The following GPHN variants were observed in gnomAD, a reference collection of about 807,000 sequenced individuals.
GPHN encodes the protein gephyrin.
In GPHN, 17 loss-of-function variants were observed where a neutral mutation model predicts 95.5. That is an observed-to-expected ratio of 0.18 (90% CI 0.12 to 0.27). GPHN has a LOEUF of 0.27. Among genes scored for constraint, GPHN ranks in the 10% least tolerant of loss-of-function variants. The pLI is 1.00. For synonymous variants in GPHN, 320 were observed against 322.5 expected (o/e 0.99, Z 0.08); for missense variants, 660 against 978.1 (o/e 0.67, Z 4.34).
chr14:67,114,329 T>C (rs541548838), intron 16 of GPHN, among the ~76,000 whole-genome samples: 1 of 152,312 alleles, frequency 6.6e-6, no homozygotes, highest in South Asian at 2.1e-4. Flanking sequence ...TGAACTATTC[T>C]TTTTTATGAT....
At chr14:67,629,016 C>T in the GPHN span, among the ~76,000 whole-genome samples, 1 of 152,282 alleles carries the variant, frequency 6.6e-6, no homozygotes, top group African/African-American at 2.4e-5. Context: ...GTGGTACATA[C>T]ATATAATGGA....
At chr14:66,670,837 T>A (rs2066264303) in intron 1 of GPHN, among the ~76,000 whole-genome samples, 1 of 152,152 alleles carries the variant, frequency 6.6e-6, no homozygotes, top group African/African-American at 2.4e-5. Context: ...TTAAATATTT[T>A]AGATTTTGTG....
chr14:67,225,964 C>CGT, the GPHN span, among the ~76,000 whole-genome samples: 2 of 42,490 alleles, frequency 4.7e-5, no homozygotes, highest in East Asian at 1.3e-3. Flanking sequence ...TGTGTGTGTG[C>CGT]GCGCGCGCGC....
chr14:67,609,013 A>G, the GPHN span, among the ~76,000 whole-genome samples: 1 of 152,144 alleles, frequency 6.6e-6, no homozygotes, highest in Non-Finnish European at 1.5e-5. Context: ...CTTGTCAACA[A>G]CTCAGTCCCA....
chr14:66,732,383 T>C (rs2071852274), intron 2 of GPHN, among the ~76,000 whole-genome samples: 1 of 152,226 alleles, frequency 6.6e-6, no homozygotes. Context: ...GAGATAAGCT[T>C]TCAAATTGAG....
the GPHN span, among the ~76,000 whole-genome samples, chr14:67,701,494 G>T: frequency 7.1e-6 from 1 of 140,022 alleles, no homozygotes; most frequent in African/African-American, 2.7e-5. Flanking sequence ...CACTATCTTG[G>T]CTCACTGCAA....
At chr14:67,337,504 G>A in the GPHN span, 2 of 149,704 alleles carry the variant, frequency 1.3e-5, no homozygotes, top group African/African-American at 5.0e-5. Flanking sequence ...CAGAATGAGT[G>A]AGACTCTGTT....
At chr14:66,942,835 C>T (rs938017898) in intron 8 of GPHN, among the ~76,000 whole-genome samples, 2 of 152,132 alleles carry the variant, frequency 1.3e-5, no homozygotes, top group African/African-American at 4.8e-5. Context: ...AATTTTGAAA[C>T]TGAAGTTTGA....
rs1259801908 is a variant in GPHN at position 67,097,028 on chromosome 14, C to T, written c.1238-3828C>T. ...CATTCGTGCATGAATCTTCTAAGAACGTTTTTGTAGCCACATTCATTCGTC... is the reference window on the plus strand; with the variant it reads ...CATTCGTGCATGAATCTTCTAAGAATGTTTTTGTAGCCACATTCATTCGTC... On this transcript the variant is annotated intron_variant, in intron 12 of 22. Transcript: ENST00000478722. 3.9e-5 allele frequency among the ~76,000 whole-genome samples: 6 copies of T among 152,122 alleles called. No individual in the cohort carries two copies. In the South Asian group the frequency reaches 6.2e-4, roughly 16 times the overall value.
At position 67,051,218 on chromosome 14, in the gene GPHN, G is replaced by A. The variant is rs562692515; in HGVS notation, c.1007-7431G>A. On this transcript the variant is annotated intron_variant, in intron 10 of 22. Coordinates refer to ENST00000478722, the MANE Select transcript of GPHN (RefSeq NM_020806.5). ...CAACTGAGCTCCTGCGGGGAGAGACGGCTGCCATCACTGCAGCTCCAGTCT... is the reference window on the plus strand; with the variant it reads ...CAACTGAGCTCCTGCGGGGAGAGACAGCTGCCATCACTGCAGCTCCAGTCT... 6.0e-5 allele frequency among the ~76,000 whole-genome samples: 9 copies of A among 151,178 alleles called. No individual in the cohort carries two copies. In the South Asian group the frequency reaches 1.3e-3, roughly 21 times the overall value.
Position 66,643,437 on chromosome 14 carries a change from A to G in GPHN, c.65-37670A>G, listed in dbSNP as rs190452516. 4.6e-5 allele frequency among the ~76,000 whole-genome samples: 7 copies of G among 152,228 alleles called. No individual in the cohort carries two copies. In the East Asian group the frequency reaches 1.3e-3, roughly 29 times the overall value. ...AGTTTACCAAAGGACATGTGCAGGA[A>G]TGTTGATACTATTTGTAATGACCTA... On this transcript the variant is annotated intron_variant, in intron 1 of 22. Coordinates refer to ENST00000478722, the MANE Select transcript of GPHN (RefSeq NM_020806.5).
chr14:66,597,558 G>A (rs995312835), intron 1 of GPHN, among the ~76,000 whole-genome samples: 3 of 152,296 alleles, frequency 2.0e-5, no homozygotes, highest in Non-Finnish European at 4.4e-5. Context: ...GGAGAGGCCA[G>A]GCAGCAGGAG....
At chr14:66,921,373 T>C (rs1249105186) in intron 6 of GPHN, among the ~76,000 whole-genome samples, 1 of 152,188 alleles carries the variant, frequency 6.6e-6, no homozygotes, top group African/African-American at 2.4e-5. Context: ...TTTCATATGT[T>C]TGTTGGCCGT....
At chr14:66,973,280 A>G (rs972500318) in intron 9 of GPHN, among the ~76,000 whole-genome samples, 1 of 152,236 alleles carries the variant, frequency 6.6e-6, no homozygotes, top group African/African-American at 2.4e-5. Context: ...ATCCTAGGGC[A>G]GGGAACACCT....
intron 2 of GPHN, among the ~76,000 whole-genome samples, chr14:66,772,596 C>T (rs780398546): frequency 1.3e-5 from 2 of 152,080 alleles, no homozygotes; most frequent in Non-Finnish European, 2.9e-5. Context: ...AAGATGTATT[C>T]GAATAATGAA....
chr14:67,167,214 T>C (rs2082332372), intron 20 of GPHN, among the ~76,000 whole-genome samples: 1 of 152,170 alleles, frequency 6.6e-6, no homozygotes, highest in Non-Finnish European at 1.5e-5. Context: ...CTATTACAAG[T>C]TTTTTATATC....
At chr14:67,523,382 G>A in the GPHN span, among the ~76,000 whole-genome samples, 5 of 151,700 alleles carry the variant, frequency 3.3e-5, no homozygotes, top group African/African-American at 7.3e-5. Context: ...TACAGTGCTA[G>A]GGAAAAAAAG....
At chr14:67,104,433 G>A (rs867275328) in intron 13 of GPHN, among the ~76,000 whole-genome samples, 1 of 152,146 alleles carries the variant, frequency 6.6e-6, no homozygotes, top group Non-Finnish European at 1.5e-5. Flanking sequence ...AGAAGAATTA[G>A]TATGAGTTCT....
chr14:67,631,177 T>C, the GPHN span, among the ~76,000 whole-genome samples: 2 of 152,184 alleles, frequency 1.3e-5, no homozygotes, highest in Non-Finnish European at 1.5e-5. Flanking sequence ...TCCAGTTATT[T>C]TGTTTTTCTT....
Sources: allele counts gnomAD v4.1 joint callset (sites outside exome capture counted in the v4.1 genomes callset), GRCh38; gene constraint gnomAD v4.1.1; transcripts MANE v1.5; gene names NCBI Gene and HGNC (gene_info 2026-07-23, HGNC 2026-07-21).